EXOC4: variants seen among roughly 807,000 people sequenced by gnomAD.
The protein encoded by EXOC4 is SEC8-like 1.
Under a neutral mutation model 107.2 loss-of-function variants are expected in EXOC4, and 71 were observed. The ratio of observed to expected loss-of-function variants is 0.66; its 90% CI spans 0.55 to 0.81. EXOC4 has a LOEUF of 0.81. Among genes scored for constraint, EXOC4 ranks in the 30% least tolerant of loss-of-function variants. The pLI is 0.00. For missense variants in EXOC4, 1,108 were observed against 1,189.6 expected (o/e 0.93, Z 1.01); for synonymous variants, 456 against 441.2 (o/e 1.03, Z -0.42).
intron 10 of EXOC4, among the ~76,000 whole-genome samples, chr7:133,688,836 G>A (rs2151075367): frequency 6.6e-6 from 1 of 152,140 alleles, no homozygotes; most frequent in Admixed American, 6.5e-5. Flanking sequence ...AGTTCTTTTG[G>A]AATTAACCAA....
chr7:133,685,909 T>C (rs1254744435), intron 10 of EXOC4, among the ~76,000 whole-genome samples: 2 of 152,166 alleles, frequency 1.3e-5, no homozygotes, highest in African/African-American at 4.8e-5. Flanking sequence ...GTTTCTATTA[T>C]TGCTCACTCC....
intron 17 of EXOC4, among the ~76,000 whole-genome samples, chr7:134,025,406 A>T (rs904160071): frequency 3.3e-5 from 5 of 152,232 alleles, no homozygotes; most frequent in African/African-American, 1.2e-4. Context: ...TTGGATCTAC[A>T]CATTTGTTTC....
chr7:133,988,296 T>TC (rs1237713009), intron 14 of EXOC4, among the ~76,000 whole-genome samples: 1 of 152,210 alleles, frequency 6.6e-6, no homozygotes, highest in Non-Finnish European at 1.5e-5. Context: ...TACTTCCCCA[T>TC]CCCTACTCTC....
chr7:133,327,155 C>T (rs1312203092), intron 5 of EXOC4, among the ~76,000 whole-genome samples: 1 of 152,226 alleles, frequency 6.6e-6, no homozygotes, highest in African/African-American at 2.4e-5. Context: ...CTTGTGCTTC[C>T]CGAGTGAGGC....
intron 5 of EXOC4, among the ~76,000 whole-genome samples, chr7:133,328,235 G>A (rs926693996): frequency 6.6e-6 from 1 of 150,488 alleles, no homozygotes; most frequent in Admixed American, 6.6e-5. Flanking sequence ...TTTTATCTGA[G>A]ACTAGGATTG....
At chr7:133,593,961 C>CA (rs1043290155) in intron 9 of EXOC4, among the ~76,000 whole-genome samples, 6 of 151,896 alleles carry the variant, frequency 4.0e-5, no homozygotes, top group African/African-American at 1.2e-4. Context: ...ATGAATTTAT[C>CA]AAAAAAATGC....
In EXOC4 at chr7:134,048,015, A is replaced by G. The variant is rs769152460; in HGVS notation, c.2688-16276A>G. 1.4e-4 allele frequency among the ~76,000 whole-genome samples: 21 copies of G among 152,198 alleles called. 1 individual carries two copies. The highest frequency in any genetic ancestry group is 2.5e-4 in the Non-Finnish European group (17 of 68,046). ...TAATTTGGTGGGCAAGGGATCAGAAAGTAGGGAGTGCTGATTGGTTGAGTC... is the reference window on the plus strand; with the variant it reads ...TAATTTGGTGGGCAAGGGATCAGAAGGTAGGGAGTGCTGATTGGTTGAGTC... On this transcript the variant is annotated intron_variant, in intron 17 of 17. Transcript: ENST00000253861.
intron 13 of EXOC4, among the ~76,000 whole-genome samples, chr7:133,932,969 C>T (rs1457891410): frequency 6.6e-6 from 1 of 151,710 alleles, no homozygotes; most frequent in African/African-American, 2.4e-5. Flanking sequence ...TCAGATACAG[C>T]ACAGGTCTGC....
chr7:133,867,502 T>A (rs1327553291), intron 11 of EXOC4, among the ~76,000 whole-genome samples: 2 of 152,140 alleles, frequency 1.3e-5, no homozygotes, highest in Non-Finnish European at 2.9e-5. Flanking sequence ...AGGGGGGCAT[T>A]TCTTGGAGCA....
chr7:133,298,229 T>C lies in EXOC4; in HGVS notation c.472-7648T>C, dbSNP rs192812067. ...ACGCCATATTCCTCTATCATTCCTT[T>C]GTGGGATTTTAATAGTTCACGTTAG... On this transcript the variant is annotated intron_variant, in intron 3 of 17. Coordinates refer to ENST00000253861, the MANE Select transcript of EXOC4 (RefSeq NM_021807.4). 5.1e-4 allele frequency among the ~76,000 whole-genome samples: 78 copies of C among 152,310 alleles called. No individual in the cohort carries two copies. In the South Asian group the frequency reaches 8.5e-3, roughly 17 times the overall value.
At position 133,862,531 on chromosome 7, in the gene EXOC4, T is replaced by G. The variant is rs546037484; in HGVS notation, c.1735-33068T>G. 1.1e-4 allele frequency among the ~76,000 whole-genome samples: 17 copies of G among 152,222 alleles called. No individual in the cohort carries two copies. The South Asian group carries it at 3.5e-3, about 32-fold the overall frequency. ...CCTCATTCCCAGAGGCTTCATTAAT[T>G]AAGGCATTTATTTTGGGGTTTGATT... On this transcript the variant is annotated intron_variant, in intron 11 of 17. Transcript: ENST00000253861.
At chr7:133,419,496 AAATCTGTATG>A (rs1797553544) in intron 7 of EXOC4, among the ~76,000 whole-genome samples, 1 of 152,142 alleles carries the variant, frequency 6.6e-6, no homozygotes, top group Admixed American at 6.6e-5. Context: ...TAAAGGGATA[AAATCTGTATG>A]ATGGGAGATC....
intron 9 of EXOC4, among the ~76,000 whole-genome samples, chr7:133,503,206 C>T (rs1799606198): frequency 6.6e-6 from 1 of 152,098 alleles, no homozygotes; most frequent in South Asian, 2.1e-4. Flanking sequence ...TCTGGTTTCT[C>T]TCATATTCTC....
At chr7:133,650,569 A>G (rs1222749503) in intron 10 of EXOC4, among the ~76,000 whole-genome samples, 1 of 152,150 alleles carries the variant, frequency 6.6e-6, no homozygotes, top group East Asian at 1.9e-4. Context: ...TCTAAATTAT[A>G]AGCCCTAATT....
intron 13 of EXOC4, among the ~76,000 whole-genome samples, chr7:133,921,742 G>T (rs1401113440): frequency 6.6e-6 from 1 of 152,126 alleles, no homozygotes; most frequent in Non-Finnish European, 1.5e-5. Flanking sequence ...TTGATTTGGA[G>T]TAATTTTCAG....
chr7:133,294,610 CTTATAT>C (rs1047566130), intron 3 of EXOC4, among the ~76,000 whole-genome samples: 3 of 152,020 alleles, frequency 2.0e-5, no homozygotes, highest in Admixed American at 6.6e-5. Context: ...ATAATAACAA[CTTATAT>C]TTATATATCT....
chr7:133,872,199 TA>T (rs1311856026), intron 11 of EXOC4, among the ~76,000 whole-genome samples: 9 of 152,082 alleles, frequency 5.9e-5, no homozygotes, highest in Non-Finnish European at 1.0e-4. Flanking sequence ...AAAATATATA[TA>T]ATATTAGCTT....
At chr7:133,561,053 A>G (rs1483319940) in intron 9 of EXOC4, among the ~76,000 whole-genome samples, 1 of 152,044 alleles carries the variant, frequency 6.6e-6, no homozygotes, top group Non-Finnish European at 1.5e-5. Context: ...CTACTAGGAC[A>G]GTCATTATGT....
At chr7:134,093,838 C>G in the EXOC4 span, among the ~76,000 whole-genome samples, 1 of 152,024 alleles carries the variant, frequency 6.6e-6, no homozygotes, top group South Asian at 2.1e-4. Flanking sequence ...GGGTAAACAA[C>G]AAAATCAAGA....
Sources: allele counts gnomAD v4.1 joint callset (sites outside exome capture counted in the v4.1 genomes callset), GRCh38; gene constraint gnomAD v4.1.1; transcripts MANE v1.5; gene names NCBI Gene and HGNC (gene_info 2026-07-23, HGNC 2026-07-21).